Variants in GTF2H5 observed in about 807,000 individuals in gnomAD.
GTF2H5 encodes the protein TFB5 ortholog.
GTF2H5 carries 5 observed loss-of-function variants against 7.1 expected under a neutral mutation model. The ratio of observed to expected loss-of-function variants is 0.71; its 90% CI spans 0.37 to 1.49. The LOEUF is 1.49. Ranked by LOEUF, GTF2H5 falls within the 40% of genes most tolerant of loss-of-function variation. The pLI is 0.03. For synonymous variants in GTF2H5, 30 were observed against 31.7 expected (o/e 0.95, Z 0.18); for missense variants, 80 against 83.0 (o/e 0.96, Z 0.14).
chr6:158,196,567 T>A lies in GTF2H5; in HGVS notation c.*4410T>A, dbSNP rs927004807. On this transcript the variant is annotated 3_prime_UTR_variant, in exon 3 of 3. Coordinates refer to ENST00000607778, the MANE Select transcript of GTF2H5 (RefSeq NM_207118.3). ...AAAATAAACTCATCATTATAACATG[T>A]CTGAACAGGATCTAGTTTGAGGCAC... is the stretch of plus-strand genomic sequence containing the variant. The A allele has an allele frequency of 6.6e-6, 1 of 152,238 alleles. No homozygotes were observed. The highest frequency in any genetic ancestry group is 2.4e-5 in the African/African-American group (1 of 41,470). 9.4% of individuals were successfully genotyped at this position (152,238 alleles called of 1,614,324 possible). A position where few individuals can be genotyped will look rare whatever the true frequency, so the allele number is the denominator to read the frequency against.
chr6:158,186,633 C>A (rs1301059513), intron 2 of GTF2H5, among the ~76,000 whole-genome samples: 2 of 152,208 alleles, frequency 1.3e-5, no homozygotes, highest in African/African-American at 4.8e-5. Flanking sequence ...ATGACATATC[C>A]TCAGAAGGTC....
Position 158,176,743 on chromosome 6 carries a change from C to T in GTF2H5, c.35+6205C>T, listed in dbSNP as rs542555161. Among the ~76,000 whole-genome samples, 41 of 152,144 alleles carry T rather than the reference C, an allele frequency of 2.7e-4. No homozygotes were observed. The Middle Eastern group carries it at 0.017, about 64-fold the overall frequency. ...TCACAGCCTTCAGAGCCGAGAGCCC[C>T]GAACAGAGATTTACCCACTTATTTG... On this transcript the variant is annotated intron_variant, in intron 2 of 2. Coordinates refer to ENST00000607778, the MANE Select transcript of GTF2H5 (RefSeq NM_207118.3).
chr6:158,184,243 G>GAA (rs992801163), intron 2 of GTF2H5, among the ~76,000 whole-genome samples: 41 of 146,856 alleles, frequency 2.8e-4, no homozygotes, highest in African/African-American at 1.0e-3. Flanking sequence ...ACAAGAAAAG[G>GAA]AAAAAAAAAA....
intron 1 of GTF2H5, among the ~76,000 whole-genome samples, 164 bp downstream of exon 1, chr6:158,168,559 C>T (rs567295611): frequency 8.3e-4 from 127 of 152,342 alleles, no homozygotes; most frequent in African/African-American, 2.8e-3. Context: ...CTGGCGGGGC[C>T]GCACGGCAGT....
Position 158,199,318 on chromosome 6 carries a change from T to A in GTF2H5, c.*7161T>A, listed in dbSNP as rs1777158479. On this transcript the variant is annotated 3_prime_UTR_variant, in exon 3 of 3. Transcript: ENST00000607778. ...CAAGCATGTACATGCACCCCCTGAGTCTAAAATAAAAATTTTAAAAAAACT... is the reference window on the plus strand; with the variant it reads ...CAAGCATGTACATGCACCCCCTGAGACTAAAATAAAAATTTTAAAAAAACT... 6.6e-6 allele frequency: 1 copy of A among 152,168 alleles called. No homozygotes were observed. Among genetic ancestry groups the A allele is most frequent in the African/African-American group, 2.4e-5 (1 of 41,422 alleles). 9.4% of individuals were successfully genotyped at this position (152,168 alleles called of 1,614,324 possible).
rs1562468512 is a variant in GTF2H5 at position 158,169,528 on chromosome 6, CAGTATATTAT to C, written c.-34-940_-34-931del. Among the ~76,000 whole-genome samples, 22 of 49,222 alleles carry C rather than the reference CAGTATATTAT, an allele frequency of 4.5e-4. 5 individuals carry two copies. The highest frequency in any genetic ancestry group is 1.7e-3 in the African/African-American group (21 of 12,522). 32.3% of individuals were successfully genotyped at this position (49,222 alleles called of 152,430 possible). On this transcript the variant is annotated intron_variant, in intron 1 of 2. Coordinates refer to ENST00000607778, the MANE Select transcript of GTF2H5 (RefSeq NM_207118.3). ...TATATTGTATATTATATATAATATA[CAGTATATTAT>C]ATATAATATACTGTATATTATATAT...
chr6:158,171,945 A>G (rs774430042), intron 2 of GTF2H5, among the ~76,000 whole-genome samples: 2 of 152,174 alleles, frequency 1.3e-5, no homozygotes, highest in Non-Finnish European at 2.9e-5. Context: ...GGTTTGATGT[A>G]CTTATTTTCC....
Position 158,197,975 on chromosome 6 carries a change from TAAAAG to T in GTF2H5, c.*5822_*5826del, listed in dbSNP as rs922706374. 2 of 152,216 alleles carry T rather than the reference TAAAAG, an allele frequency of 1.3e-5. No individual in the cohort carries two copies. The highest frequency in any genetic ancestry group is 2.4e-5 in the African/African-American group (1 of 41,452). 9.4% of individuals were successfully genotyped at this position (152,216 alleles called of 1,614,324 possible). A position where few individuals can be genotyped will look rare whatever the true frequency, so the allele number is the denominator to read the frequency against. ...ACTTAATGGAGCTTATGTTGAGAAATAAAAGAAATTATATTTTATTTTTATCTTTT... is the reference window on the plus strand; with the variant it reads ...ACTTAATGGAGCTTATGTTGAGAAATAAATTATATTTTATTTTTATCTTTT... On this transcript the variant is annotated 3_prime_UTR_variant, in exon 3 of 3. Coordinates refer to ENST00000607778, the MANE Select transcript of GTF2H5 (RefSeq NM_207118.3).
In GTF2H5 at chr6:158,192,048, A is replaced by C. The variant is rs369754503; in HGVS notation, c.107A>C (p.Gln36Pro). Residue 36 changes from glutamine to proline, a missense_variant, in exon 3 of 3, where the codon CAA becomes CCA. Physicochemically the swap from Gln to Pro is moderately conservative, Grantham distance 76. Coordinates refer to ENST00000607778, the MANE Select transcript of GTF2H5 (RefSeq NM_207118.3). ...SNALGKKFIIQDIDDTHVFVI... is the reference protein window; with the variant it reads ...SNALGKKFIIPDIDDTHVFVI... ...GCCCTGGGGAAGAAGTTCATCATTC[A>C]AGACATTGATGACACTCACGTCTTT... 1 of 1,613,074 alleles carries C rather than the reference A, an allele frequency of 6.2e-7. No homozygotes were observed. Among genetic ancestry groups the C allele is most frequent in the Non-Finnish European group, 8.5e-7 (1 of 1,178,992 alleles).
intron 2 of GTF2H5, among the ~76,000 whole-genome samples, chr6:158,177,294 G>C (rs1316519794): frequency 6.6e-6 from 1 of 152,164 alleles, no homozygotes; most frequent in African/African-American, 2.4e-5. Flanking sequence ...TGTAGCTATG[G>C]TACTAACATT....
chr6:158,175,044 G>GTGTGTGTGTGTGTGTGTGTGTGTGTGTA, intron 2 of GTF2H5, among the ~76,000 whole-genome samples: 23 of 142,842 alleles, frequency 1.6e-4, no homozygotes, highest in African/African-American at 5.6e-4. Flanking sequence ...GTGTGTGTGT[G>GTGTGTGTGTGTGTGTGTGTGTGTGTGTA]TATACACACA....
At chr6:158,187,693 G>A (rs920829521) in intron 2 of GTF2H5, among the ~76,000 whole-genome samples, 6 of 151,984 alleles carry the variant, frequency 3.9e-5, no homozygotes, top group African/African-American at 9.7e-5. Context: ...TCAGCCTCCC[G>A]AGTAGCTGGG....
Position 158,197,721 on chromosome 6 carries a change from G to T in GTF2H5, c.*5564G>T, listed in dbSNP as rs1338970214. 2 of 152,032 alleles carry T rather than the reference G, an allele frequency of 1.3e-5. No individual in the cohort carries two copies. The highest frequency in any genetic ancestry group is 2.9e-5 in the Non-Finnish European group (2 of 67,994). The allele number at this position is 152,032 out of a possible 1,614,324, so 9.4% of individuals were successfully genotyped here. On this transcript the variant is annotated 3_prime_UTR_variant, in exon 3 of 3. Transcript: ENST00000607778. ...TCTTCCACCGTGACAGTTCCCCTGC[G>T]CATTCCTCTCATAAAGCAAGGGCAG...
intron 2 of GTF2H5, among the ~76,000 whole-genome samples, chr6:158,189,005 C>T (rs58503918): frequency 0.16 from 21,445 of 132,594 alleles, 2,222 homozygotes; most frequent in Admixed American, 0.42. Context: ...AGTGAGATGG[C>T]AGCAGCAGGA....
intron 1 of GTF2H5, among the ~76,000 whole-genome samples, chr6:158,169,545 TATAC>T: frequency 1.1e-5 from 1 of 89,252 alleles, no homozygotes; most frequent in African/African-American, 4.6e-5. Flanking sequence ...TTATATATAA[TATAC>T]TGTATATTAT....
At position 158,198,354 on chromosome 6, in the gene GTF2H5, G is replaced by A. The variant is rs1382874389; in HGVS notation, c.*6197G>A. ...TCTTGAATGATAATTAGTCTCGAAT[G>A]TTTGGATCACAATCCATTGAAAGAC... is the stretch of plus-strand genomic sequence containing the variant. On this transcript the variant is annotated 3_prime_UTR_variant, in exon 3 of 3. Coordinates refer to ENST00000607778, the MANE Select transcript of GTF2H5 (RefSeq NM_207118.3). The A allele has an allele frequency of 1.3e-5, 2 of 152,340 alleles. No individual in the cohort carries two copies. Among genetic ancestry groups the A allele is most frequent in the East Asian group, 3.8e-4 (2 of 5,196 alleles). 9.4% of individuals were successfully genotyped at this position (152,340 alleles called of 1,614,324 possible).
rs923329937 is a variant in GTF2H5 at position 158,196,010 on chromosome 6, G to C, written c.*3853G>C. ...TAAGAGCACTGACTGGGCCGGGCGC[G>C]GTGGCTCACGTCTATAATCCTAGCA... On this transcript the variant is annotated 3_prime_UTR_variant, in exon 3 of 3. Transcript: ENST00000607778. The C allele has an allele frequency of 6.6e-6, 1 of 152,152 alleles. No individual in the cohort carries two copies. Among genetic ancestry groups the C allele is most frequent in the Non-Finnish European group, 1.5e-5 (1 of 68,042 alleles). The allele number at this position is 152,152 out of a possible 1,614,324, so 9.4% of individuals were successfully genotyped here.
chr6:158,180,483 G>C (rs1248577881), intron 2 of GTF2H5, among the ~76,000 whole-genome samples: 1 of 152,194 alleles, frequency 6.6e-6, no homozygotes, highest in Non-Finnish European at 1.5e-5. Flanking sequence ...GAATTTGGCT[G>C]TGAATCCATC....
intron 1 of GTF2H5, among the ~76,000 whole-genome samples, chr6:158,169,772 A>ATATTATATATTATATATTGTATATT (rs1187068824): frequency 1.9e-5 from 1 of 53,954 alleles, no homozygotes; most frequent in Admixed American, 3.9e-4. Context: ...TATTATATAT[A>ATATTATATATTATATATTGTATATT]ATATATTGTA....
Sources: allele counts gnomAD v4.1 joint callset (sites outside exome capture counted in the v4.1 genomes callset), GRCh38; gene constraint gnomAD v4.1.1; transcripts MANE v1.5; gene names NCBI Gene and HGNC (gene_info 2026-07-23, HGNC 2026-07-21).